MYO1C: variants seen among roughly 807,000 people sequenced by gnomAD.
MYO1C encodes unconventional myosin-Ic.
MYO1C carries 104 observed loss-of-function variants against 150.8 expected under a neutral mutation model. The observed-to-expected ratio is 0.69, with a 90% CI of 0.59 to 0.81. MYO1C has a LOEUF of 0.81. Among genes scored for constraint, MYO1C ranks in the 30% least tolerant of loss-of-function variants. MYO1C has a pLI of 0.00. For missense variants in MYO1C, 1,504 were observed against 1,435.0 expected, an observed-to-expected ratio of 1.05 and a Z score of -0.78; for synonymous variants, 663 against 579.9, an observed-to-expected ratio of 1.14 and a Z score of -2.06.
At chr17:1,471,762 C>G in intron 19 of MYO1C, 145 bp downstream of exon 19, 1 of 881,882 alleles carries the variant, frequency 1.1e-6, no homozygotes, top group Non-Finnish European at 1.8e-6. Flanking sequence ...GACCGCAGCA[C>G]CAAGGGCCTC....
At chr17:1,474,789 CG>C (rs2074369567) in intron 16 of MYO1C, 22 bp downstream of exon 16, 6 of 1,606,334 alleles carry the variant, frequency 3.7e-6, no homozygotes, top group Middle Eastern at 1.6e-4. Context: ...ACCCCCACCC[CG>C]GCCTCCCCAC....
At chr17:1,483,097 G>A (rs1172321106) in intron 3 of MYO1C, 38 bp from the exon 4 acceptor site, 4 of 1,544,118 alleles carry the variant, frequency 2.6e-6, no homozygotes, top group East Asian at 2.4e-5. Context: ...GGGGAGGGGG[G>A]CCAAGCAGAG....
rs990661745 is a variant in MYO1C at position 1,476,484 on chromosome 17, T to G, written c.1574+1021A>C. On this transcript the variant is annotated intron_variant, in intron 14 of 31. Coordinates refer to ENST00000648651, the MANE Select transcript of MYO1C (RefSeq NM_001080779.2). The stretch of plus-strand genomic sequence containing the variant: ...GCCACCACGCCCATCCAGAAACAAA[T>G]TTTCAATATATTATTATGCAAAAAA... Among the ~76,000 whole-genome samples, 8 of 152,214 alleles carry G rather than the reference T, an allele frequency of 5.3e-5. No individual in the cohort carries two copies. The South Asian group carries it at 1.0e-3, about 20-fold the overall frequency.
At chr17:1,475,956 C>T (rs113697521) in intron 14 of MYO1C, among the ~76,000 whole-genome samples, 3,969 of 152,080 alleles carry the variant, frequency 0.026, 166 homozygotes, top group African/African-American at 0.09. Flanking sequence ...AAGTTCTCGA[C>T]TACGAAAAAA....
At chr17:1,484,783 C>CA (rs1258283151) in intron 1 of MYO1C, 2 of 371,710 alleles carry the variant, frequency 5.4e-6, no homozygotes, top group Non-Finnish European at 1.1e-5. Context: ...CAGGTGACCT[C>CA]AGGTCCCTCA....
chr17:1,491,772 C>T, intron 1 of MYO1C: 6 of 534,128 alleles, frequency 1.1e-5, no homozygotes, highest in Non-Finnish European at 1.4e-5. Flanking sequence ...CCGCCTCAGC[C>T]CCGGCCGCGT....
chr17:1,489,143 C>A (rs1020964592), intron 1 of MYO1C, among the ~76,000 whole-genome samples: 1 of 152,220 alleles, frequency 6.6e-6, no homozygotes, highest in Non-Finnish European at 1.5e-5. Context: ...ACGGGTGGCA[C>A]AGAGCAGGGC....
chr17:1,466,686 CATG>C (rs1436831928), intron 31 of MYO1C, among the ~76,000 whole-genome samples: 1 of 145,714 alleles, frequency 6.9e-6, no homozygotes, highest in East Asian at 2.0e-4. Context: ...AGTGCAGTGG[CATG>C]ATATCAGCTC....
chr17:1,475,012 C>A lies in MYO1C; in HGVS notation c.1595G>T (p.Arg532Leu). The change falls in exon 15 of 32, where the codon CGG (arginine) becomes CTG (leucine). Residue 532 changes from arginine (R) to leucine (L), a missense_variant. Coordinates refer to ENST00000648651, the MANE Select transcript of MYO1C (RefSeq NM_001080779.2). ...CCCTCGGCCCAGAGATTTCCTGGTC[C>A]GCTGGTCAGCCAGCTTGTGCCTGGG... ...HFLTHKLADQ[R>L]TRKSLGRGEF... is the part of the protein sequence containing the mutation. 1 of 1,552,664 alleles carries A rather than the reference C, an allele frequency of 6.4e-7. No homozygotes were observed. Among genetic ancestry groups the A allele is most frequent in the South Asian group, 1.2e-5 (1 of 84,320 alleles).
Position 1,468,051 on chromosome 17 carries a change from T to C in MYO1C, c.2833A>G (p.Asn945Asp), listed in dbSNP as rs769689965. The C allele has an allele frequency of 6.2e-6, 10 of 1,613,052 alleles. No homozygotes were observed. The Admixed American group carries it at 1.0e-4, about 16-fold the overall frequency. The change falls in exon 28 of 32, where the codon AAC (asparagine) becomes GAC (aspartate). Residue 945 changes from asparagine (N) to aspartate (D), a missense_variant. Coordinates refer to ENST00000648651, the MANE Select transcript of MYO1C (RefSeq NM_001080779.2). ...GCGTCCTCCACGATGACGACGGCGT[T>C]GGGCGTGAGCAGCAGCTGCCGGGAG... ...PRSRQLLLTP[N>D]AVVIVEDAKV...
At chr17:1,483,914 T>C (rs1005999470) in intron 2 of MYO1C, among the ~76,000 whole-genome samples, 189 bp from the exon 3 acceptor site, 11 of 151,714 alleles carry the variant, frequency 7.3e-5, no homozygotes, top group Non-Finnish European at 1.3e-4. Context: ...TGGTGGCGGG[T>C]GCCTGTAATC....
Position 1,478,352 on chromosome 17 carries a change from G to C in MYO1C, c.1295+58C>G. The stretch of plus-strand genomic sequence containing the variant: ...GGCAGGAATGAGAGGCTGGAGGACA[G>C]AAGAGAGGGAGCAGGACAGGAGACC... On this transcript the variant is annotated intron_variant, in intron 11 of 31. Transcript: ENST00000648651. The surrounding 1 kb of genome is among the most constrained non-coding windows in gnomAD (Gnocchi z 6.3). The C allele has an allele frequency of 6.9e-6, 11 of 1,603,736 alleles. No individual in the cohort carries two copies. The highest frequency in any genetic ancestry group is 9.4e-6 in the Non-Finnish European group (11 of 1,170,568).
chr17:1,482,081 C>T lies in MYO1C; in HGVS notation c.627+397G>A, dbSNP rs531425821. On this transcript the variant is annotated intron_variant, in intron 5 of 31. Transcript: ENST00000648651. ...TTTTTTTTAGAGACAGGGTCTCACT[C>T]CGTAGCCCAAGCTGGAGTACAGTGG... Among the ~76,000 whole-genome samples the T allele has an allele frequency of 2.8e-4, 43 of 152,230 alleles. No individual in the cohort carries two copies. In the South Asian group the frequency reaches 8.7e-3, roughly 31 times the overall value.
chr17:1,475,594 T>C (rs1463158191), intron 14 of MYO1C, among the ~76,000 whole-genome samples: 7 of 152,260 alleles, frequency 4.6e-5, no homozygotes, highest in African/African-American at 1.2e-4. Flanking sequence ...CTTCGGCCGC[T>C]GCGGGCTCTG....
intron 1 of MYO1C, among the ~76,000 whole-genome samples, chr17:1,488,556 G>C (rs951607348): frequency 4.6e-5 from 7 of 152,248 alleles, no homozygotes; most frequent in African/African-American, 7.2e-5. Context: ...AGAACTTGAG[G>C]CTGGGCAGGT....
chr17:1,487,684 G>A (rs1193261550), intron 1 of MYO1C, among the ~76,000 whole-genome samples: 1 of 152,178 alleles, frequency 6.6e-6, no homozygotes, highest in African/African-American at 2.4e-5. Flanking sequence ...TTCGGAGGCC[G>A]AGGCGGGCGG....
intron 31 of MYO1C, among the ~76,000 whole-genome samples, chr17:1,466,322 G>A (rs1316073408): frequency 6.6e-6 from 1 of 151,878 alleles, no homozygotes; most frequent in African/African-American, 2.4e-5. Flanking sequence ...CACCACACCA[G>A]GCTAACTTTT....
chr17:1,472,432 C>T, intron 17 of MYO1C: 1 of 588,798 alleles, frequency 1.7e-6, no homozygotes, highest in Non-Finnish European at 3.0e-6. Flanking sequence ...CGAGAGACCT[C>T]AGTCTACGAG....
chr17:1,472,483 A>C, intron 17 of MYO1C: 1 of 530,302 alleles, frequency 1.9e-6, no homozygotes, highest in Non-Finnish European at 3.4e-6. Context: ...TCTCCCAGCA[A>C]CCTCAGTGCT....
Sources: allele counts gnomAD v4.1 joint callset (sites outside exome capture counted in the v4.1 genomes callset), GRCh38; gene constraint gnomAD v4.1.1; non-coding constraint Gnocchi (gnomAD v3.1); transcripts MANE v1.5; gene names NCBI Gene and HGNC (gene_info 2026-07-23, HGNC 2026-07-21).